Variants in AKAP7 observed in about 807,000 individuals in gnomAD.
AKAP7 encodes the protein A kinase (PRKA) anchor protein 7.
A neutral mutation model predicts 39.5 loss-of-function variants in AKAP7; 39 were observed. The observed-to-expected ratio is 0.99, with a 90% CI of 0.76 to 1.29. The LOEUF is 1.29. AKAP7 is among the 50% of genes most tolerant of loss of function. The pLI, the probability that AKAP7 is intolerant of heterozygous loss-of-function variation, is 0.00. For synonymous variants in AKAP7, 140 were observed against 139.1 expected, an observed-to-expected ratio of 1.01 and a Z score of -0.05; for missense variants, 414 against 407.7, an observed-to-expected ratio of 1.02 and a Z score of -0.13.
chr6:131,209,323 T>C (rs1808428991), intron 6 of AKAP7, among the ~76,000 whole-genome samples: 1 of 152,146 alleles, frequency 6.6e-6, no homozygotes. Flanking sequence ...CGATCTCGGC[T>C]CATTACAAGT....
At chr6:131,250,786 CTG>C (rs1397637576) in intron 7 of AKAP7, among the ~76,000 whole-genome samples, 3 of 150,012 alleles carry the variant, frequency 2.0e-5, no homozygotes, top group African/African-American at 7.3e-5. Flanking sequence ...TACAAATTAA[CTG>C]TAAAAGTACT....
At chr6:131,159,373 G>T (rs555594873) in intron 2 of AKAP7, among the ~76,000 whole-genome samples, 25 of 152,100 alleles carry the variant, frequency 1.6e-4, no homozygotes, top group Admixed American at 1.2e-3. Flanking sequence ...GATTACAGGC[G>T]TGAGCCACCG....
chr6:131,174,347 G>A (rs1217171381), intron 5 of AKAP7, among the ~76,000 whole-genome samples: 1 of 152,176 alleles, frequency 6.6e-6, no homozygotes, highest in Non-Finnish European at 1.5e-5. Flanking sequence ...TTTAGATATA[G>A]CCTCTATTTA....
At chr6:131,228,512 A>G (rs1005368616) in intron 7 of AKAP7, among the ~76,000 whole-genome samples, 5 of 151,998 alleles carry the variant, frequency 3.3e-5, no homozygotes, top group African/African-American at 1.2e-4. Context: ...TTGAGTTTTT[A>G]CTTTATTTTT....
At chr6:131,157,686 A>T (rs77214288) in intron 2 of AKAP7, among the ~76,000 whole-genome samples, 1,735 of 152,344 alleles carry the variant, frequency 0.011, 29 homozygotes, top group African/African-American at 0.038. Flanking sequence ...TATAACACAG[A>T]TAAAAATGCT....
intron 5 of AKAP7, among the ~76,000 whole-genome samples, chr6:131,191,391 T>C (rs2128272442): frequency 6.6e-6 from 1 of 152,352 alleles, no homozygotes; most frequent in African/African-American, 2.4e-5. Flanking sequence ...TCTAAGTTGA[T>C]AAGTTAATTA....
At chr6:131,138,651 A>G (rs561102836) in intron 1 of AKAP7, among the ~76,000 whole-genome samples, 159 of 152,380 alleles carry the variant, frequency 1.0e-3, no homozygotes, top group African/African-American at 3.6e-3. Context: ...CAGAAAGGGC[A>G]TAATGGTAAT....
intron 5 of AKAP7, among the ~76,000 whole-genome samples, chr6:131,177,452 T>C (rs1804691955): frequency 6.6e-6 from 1 of 152,168 alleles, no homozygotes; most frequent in Non-Finnish European, 1.5e-5. Flanking sequence ...GGAAGCCTAA[T>C]TCACTTTTAT....
chr6:131,165,892 T>C (rs1803436214), intron 4 of AKAP7, among the ~76,000 whole-genome samples: 1 of 152,160 alleles, frequency 6.6e-6, no homozygotes, highest in African/African-American at 2.4e-5. Context: ...TTACCTCCTA[T>C]ATAGCTCACT....
At chr6:131,134,037 T>C (rs1027864743), upstream of AKAP7, among the ~76,000 whole-genome samples, 1 of 152,202 alleles carries the variant, frequency 6.6e-6, no homozygotes, top group Non-Finnish European at 1.5e-5. Flanking sequence ...AATGGCATCA[T>C]CTCAGCTCAC....
chr6:131,231,730 A>C (rs1467316381), intron 7 of AKAP7, among the ~76,000 whole-genome samples: 1 of 152,174 alleles, frequency 6.6e-6, no homozygotes, highest in African/African-American at 2.4e-5. Context: ...ATCCTGGCTT[A>C]ACTGGGACTT....
chr6:131,162,644 C>T (rs963601815), intron 3 of AKAP7, among the ~76,000 whole-genome samples: 5 of 152,086 alleles, frequency 3.3e-5, no homozygotes, highest in African/African-American at 4.8e-5. Context: ...TGTCGTTGTT[C>T]GTCTCTCCTT....
intron 7 of AKAP7, among the ~76,000 whole-genome samples, chr6:131,242,713 G>T (rs142364249): frequency 1.3e-5 from 2 of 152,164 alleles, no homozygotes; most frequent in Non-Finnish European, 2.9e-5. Flanking sequence ...AAGGTGATGA[G>T]CTCCATTCTT....
At chr6:131,269,160 T>G (rs1232024562) in intron 7 of AKAP7, among the ~76,000 whole-genome samples, 1 of 152,104 alleles carries the variant, frequency 6.6e-6, no homozygotes, top group Non-Finnish European at 1.5e-5. Context: ...CCTCCTGGGT[T>G]CAAGTGATTC....
At chr6:131,205,803 A>T (rs1478210839) in intron 6 of AKAP7, among the ~76,000 whole-genome samples, 1 of 152,214 alleles carries the variant, frequency 6.6e-6, no homozygotes, top group Non-Finnish European at 1.5e-5. Flanking sequence ...ATCAAAAGGA[A>T]TCATTATCAT....
chr6:131,250,074 A>G (rs1181886395), intron 7 of AKAP7: 2 of 740,588 alleles, frequency 2.7e-6, no homozygotes, highest in Admixed American at 6.1e-5. Flanking sequence ...ATAAACCACA[A>G]TCTCCTAGGG....
At chr6:131,269,981 G>A (rs547777572) in intron 7 of AKAP7, among the ~76,000 whole-genome samples, 19 of 152,274 alleles carry the variant, frequency 1.2e-4, no homozygotes, top group Middle Eastern at 3.4e-3. Flanking sequence ...TGCTAATTGC[G>A]GAGTGACAGG....
At chr6:131,226,363 A>G (rs1371076931) in intron 7 of AKAP7, among the ~76,000 whole-genome samples, 1 of 152,226 alleles carries the variant, frequency 6.6e-6, no homozygotes, top group African/African-American at 2.4e-5. Flanking sequence ...AAGAAAAGGT[A>G]CATTTTGGTT....
intron 5 of AKAP7, chr6:131,185,397 G>T: frequency 1.9e-6 from 1 of 520,430 alleles, no homozygotes; most frequent in Non-Finnish European, 3.7e-6. Context: ...TCAGCACAGA[G>T]GTGGGCATTG....
Sources: gnomAD v4.1 joint callset for allele counts (sites outside exome capture counted in the v4.1 genomes callset) on GRCh38, gnomAD v4.1.1 for gene constraint, MANE v1.5 for transcripts, NCBI Gene and HGNC (gene_info 2026-07-23, HGNC 2026-07-21) for gene names.